The following DPY19L1 variants were observed in gnomAD, a reference collection of about 807,000 sequenced individuals.
DPY19L1 encodes protein C-mannosyl-transferase DPY19L1.
DPY19L1 carries 35 observed loss-of-function variants against 96.9 expected under a neutral mutation model. The observed-to-expected ratio is 0.36, with a 90% CI of 0.28 to 0.48. DPY19L1 has a LOEUF of 0.48. Among genes scored for constraint, DPY19L1 ranks in the 20% least tolerant of loss-of-function variants. The pLI is 0.99. For synonymous variants in DPY19L1, 205 were observed against 252.6 expected, an observed-to-expected ratio of 0.81 and a Z score of 1.79; for missense variants, 521 against 777.9, an observed-to-expected ratio of 0.67 and a Z score of 3.93.
At chr7:34,962,556 T>C (rs559153069) in intron 10 of DPY19L1, among the ~76,000 whole-genome samples, 105 of 152,230 alleles carry the variant, frequency 6.9e-4, no homozygotes, top group African/African-American at 2.4e-3. Context: ...TCCAGGCCGA[T>C]TGTGGTGGCT....
At chr7:34,946,148 G>A (rs1260241754) in intron 15 of DPY19L1, among the ~76,000 whole-genome samples, 1 of 152,212 alleles carries the variant, frequency 6.6e-6, no homozygotes, top group African/African-American at 2.4e-5. Flanking sequence ...ACAGCTGGAA[G>A]CATTCAAAAC....
intron 7 of DPY19L1, among the ~76,000 whole-genome samples, chr7:34,985,131 T>C (rs1296414177): frequency 6.6e-6 from 1 of 152,118 alleles, no homozygotes; most frequent in Non-Finnish European, 1.5e-5. Context: ...GCACCTTTCA[T>C]TTGTAAAAGA....
chr7:35,008,751 G>T (rs78077508), intron 6 of DPY19L1, among the ~76,000 whole-genome samples: 5 of 152,132 alleles, frequency 3.3e-5, no homozygotes. Flanking sequence ...CAGCTTAGCA[G>T]TAATGCCATG....
In DPY19L1 at chr7:35,004,922, T is replaced by C. The variant is rs183984047; in HGVS notation, c.764+5546A>G. Among the ~76,000 whole-genome samples the C allele has an allele frequency of 2.6e-3, 393 of 152,244 alleles. 3 individuals are homozygous for C. The highest frequency in any genetic ancestry group is 8.6e-3 in the Admixed American group (132 of 15,290). On this transcript the variant is annotated intron_variant, in intron 6 of 21. Coordinates refer to ENST00000638088, the MANE Select transcript of DPY19L1 (RefSeq NM_001366673.1). ...GTTCTGTCTCCCCCAGGATGACTCA[T>C]CAGCCACACTCACTGCCCACTGTTT... is the stretch of plus-strand genomic sequence containing the variant.
intron 13 of DPY19L1, among the ~76,000 whole-genome samples, chr7:34,950,861 T>C (rs1165706610): frequency 6.6e-6 from 1 of 152,118 alleles, no homozygotes; most frequent in Non-Finnish European, 1.5e-5. Flanking sequence ...AGAGCATAAA[T>C]TCACTAATTA....
rs868266292 is a variant in DPY19L1 at position 35,030,943 on chromosome 7, T to A, written c.298+6154A>T. ...TAGCTTTGATGACTAGTAACCATTA[T>A]AACTAAACAGTTCTAACAGTAACTA... On this transcript the variant is annotated intron_variant, in intron 1 of 21. Transcript: ENST00000638088. 4.9e-4 allele frequency among the ~76,000 whole-genome samples: 74 copies of A among 152,290 alleles called. 2 individuals carry two copies. The highest frequency in any genetic ancestry group is 6.8e-3 in the Middle Eastern group (2 of 294).
chr7:34,968,150 G>A (rs1431289878), intron 9 of DPY19L1, among the ~76,000 whole-genome samples: 1 of 151,852 alleles, frequency 6.6e-6, no homozygotes, highest in Non-Finnish European at 1.5e-5. Context: ...AAATGTCATC[G>A]AACTAAGTTA....
chr7:34,975,111 C>T (rs1230008026), intron 7 of DPY19L1, among the ~76,000 whole-genome samples: 1 of 152,080 alleles, frequency 6.6e-6, no homozygotes, highest in Non-Finnish European at 1.5e-5. Flanking sequence ...CCTAAAAGGG[C>T]CTCTAAGTGT....
rs766947235 is a variant in DPY19L1 at position 34,937,953 on chromosome 7, A to G, written c.2090+41T>C. 1.1e-5 allele frequency: 17 copies of G among 1,598,010 alleles called. No homozygotes were observed. The South Asian group carries it at 1.7e-4, about 16-fold the overall frequency. ...GTGCCATGTGCTTGAATTAACCTTCATGTCTTATGATTATAAAATGTTAAC... is the reference window on the plus strand; with the variant it reads ...GTGCCATGTGCTTGAATTAACCTTCGTGTCTTATGATTATAAAATGTTAAC... On this transcript the variant is annotated intron_variant, in intron 21 of 21. Coordinates refer to ENST00000638088, the MANE Select transcript of DPY19L1 (RefSeq NM_001366673.1).
chr7:34,939,411 A>C, intron 19 of DPY19L1, 36 bp from the exon 20 acceptor site: 8 of 1,570,532 alleles, frequency 5.1e-6, no homozygotes, highest in Non-Finnish European at 7.0e-6. Context: ...GAAGACACTC[A>C]GTGAAGGCGA....
At chr7:35,008,124 C>A (rs1785609661) in intron 6 of DPY19L1, among the ~76,000 whole-genome samples, 1 of 151,892 alleles carries the variant, frequency 6.6e-6, no homozygotes, top group Admixed American at 6.6e-5. Context: ...ATTCAAATAC[C>A]TCTGATTCTA....
chr7:34,969,373 A>C, intron 9 of DPY19L1, 60 bp downstream of exon 9: 2 of 933,240 alleles, frequency 2.1e-6, no homozygotes, highest in Non-Finnish European at 3.0e-6. Context: ...ATTTTATGCA[A>C]ATGAGCTCAC....
rs116589043 is a variant in DPY19L1 at position 35,022,143 on chromosome 7, T to C, written c.299-3547A>G. Among the ~76,000 whole-genome samples the C allele has an allele frequency of 8.6e-3, 1,314 of 152,322 alleles. 14 individuals carry two copies. The highest frequency in any genetic ancestry group is 0.03 in the African/African-American group (1,242 of 41,562). ...TTCTCTAAGTTTATTCCAGTGTTTA[T>C]CGACGTTTTTGAGAGTGTAACAAAA... On this transcript the variant is annotated intron_variant, in intron 1 of 21. Transcript: ENST00000638088.
upstream of DPY19L1, chr7:35,037,742 C>A (rs1786479442): frequency 6.1e-6 from 6 of 986,862 alleles, no homozygotes; most frequent in East Asian, 3.9e-4. Context: ...GACGCGCGCT[C>A]CAGGCCGGCC....
At chr7:34,991,904 T>C (rs1392197413) in intron 6 of DPY19L1, among the ~76,000 whole-genome samples, 1 of 152,258 alleles carries the variant, frequency 6.6e-6, no homozygotes, top group Non-Finnish European at 1.5e-5. Context: ...AAATACTGTA[T>C]AGTACAAATA....
chr7:35,037,567 G>A (rs1024686684), upstream of DPY19L1: 8 of 302,264 alleles, frequency 2.6e-5, no homozygotes, highest in African/African-American at 1.8e-4. Context: ...GAGGCCGGGC[G>A]GCTGCTGCCT....
intron 16 of DPY19L1, among the ~76,000 whole-genome samples, chr7:34,942,954 C>A (rs768275271): frequency 2.7e-4 from 41 of 152,154 alleles, no homozygotes; most frequent in Non-Finnish European, 5.4e-4. Flanking sequence ...ATGAAAAAAA[C>A]CTTTGAGATT....
chr7:34,981,059 T>C (rs1340524723), intron 7 of DPY19L1, among the ~76,000 whole-genome samples: 1 of 152,042 alleles, frequency 6.6e-6, no homozygotes, highest in Non-Finnish European at 1.5e-5. Flanking sequence ...TGCCTGGGGG[T>C]TGGAAATAGT....
intron 20 of DPY19L1, 151 bp downstream of exon 20, chr7:34,939,125 G>A: frequency 1.6e-6 from 1 of 630,856 alleles, no homozygotes; most frequent in Non-Finnish European, 2.6e-6. Context: ...TTAGAGCTTA[G>A]CGGTCTTATT....
Sources: gnomAD v4.1 joint callset for allele counts (sites outside exome capture counted in the v4.1 genomes callset) on GRCh38, gnomAD v4.1.1 for gene constraint, MANE v1.5 for transcripts, NCBI Gene and HGNC (gene_info 2026-07-23, HGNC 2026-07-21) for gene names.